Variants in GATB observed in about 807,000 individuals in gnomAD.
The protein encoded by GATB is glutamyl-tRNA amidotransferase subunit B.
Under a neutral mutation model 62.3 loss-of-function variants are expected in GATB, and 39 were observed. That is an observed-to-expected ratio of 0.63 (90% CI 0.48 to 0.82). GATB has a LOEUF of 0.82. GATB is among the 40% of genes least tolerant of loss of function. GATB has a pLI of 0.00. For missense variants in GATB, 670 were observed against 684.0 expected, an observed-to-expected ratio of 0.98 and a Z score of 0.23; for synonymous variants, 276 against 258.9, an observed-to-expected ratio of 1.07 and a Z score of -0.63.
rs1739764194 is a variant in GATB, at chr4:151,753,619, TCTC to T, written c.327+5150_327+5152del. Among the ~76,000 whole-genome samples the T allele has an allele frequency of 2.6e-5, 4 of 152,196 alleles. No individual in the cohort carries two copies. The South Asian group carries it at 8.3e-4, about 32-fold the overall frequency. On this transcript the variant is annotated intron_variant, in intron 2 of 12. Coordinates refer to ENST00000263985, the MANE Select transcript of GATB (RefSeq NM_004564.3). ...CAGTTGATCATATTAATCAAAAGCC[TCTC>T]CTGTCTTTACCCCTTCTTCATTGGC...
At chr4:151,685,586 T>C (rs1405575053) in intron 10 of GATB, among the ~76,000 whole-genome samples, 4 of 152,180 alleles carry the variant, frequency 2.6e-5, no homozygotes, top group African/African-American at 4.8e-5. Context: ...GGGCTCCAGG[T>C]AGGCACTGCC....
intron 2 of GATB, among the ~76,000 whole-genome samples, chr4:151,749,602 C>G (rs549855542): frequency 4.6e-5 from 7 of 150,908 alleles, no homozygotes; most frequent in African/African-American, 1.7e-4. Flanking sequence ...CAAACCTGCA[C>G]GTTGTGCACA....
intron 9 of GATB, among the ~76,000 whole-genome samples, chr4:151,696,800 G>T (rs1287388691): frequency 6.6e-6 from 1 of 152,230 alleles, no homozygotes; most frequent in Non-Finnish European, 1.5e-5. Flanking sequence ...ATGCCCCACA[G>T]AAATCAGCCA....
chr4:151,684,147 C>A lies in GATB; in HGVS notation c.1332-4256G>T, dbSNP rs114039208. ...GACACATCTTCCTCTCACCTCCAGTCCCTTCTTGGTTTCAAATCCTTCCCT... is the reference window on the plus strand; with the variant it reads ...GACACATCTTCCTCTCACCTCCAGTACCTTCTTGGTTTCAAATCCTTCCCT... On this transcript the variant is annotated intron_variant, in intron 10 of 12. Transcript: ENST00000263985. Among the ~76,000 whole-genome samples, 472 of 152,314 alleles carry A rather than the reference C, an allele frequency of 3.1e-3. 3 individuals are homozygous for A. The highest frequency in any genetic ancestry group is 0.011 in the African/African-American group (454 of 41,572).
intron 3 of GATB, 155 bp from the exon 4 acceptor site, chr4:151,717,229 A>G: frequency 1.5e-6 from 1 of 669,864 alleles, no homozygotes; most frequent in Non-Finnish European, 2.5e-6. Flanking sequence ...TAGTTGCTGC[A>G]TTGCAGCCAT....
intron 6 of GATB, 84 bp from the exon 7 acceptor site, chr4:151,705,353 ATCTC>A (rs921497088): frequency 1.2e-6 from 1 of 812,774 alleles, no homozygotes; most frequent in Non-Finnish European, 2.0e-6. Flanking sequence ...ACCTTTCTCA[ATCTC>A]TAAGTTAAAA....
intron 10 of GATB, among the ~76,000 whole-genome samples, chr4:151,682,410 T>TGGC (rs1371450734): frequency 6.6e-6 from 1 of 152,098 alleles, no homozygotes; most frequent in Non-Finnish European, 1.5e-5. Context: ...CGACACGCAA[T>TGGC]GGCAGCAGCA....
chr4:151,719,412 A>C lies in GATB; in HGVS notation c.441+13T>G, dbSNP rs1738982318. The C allele has an allele frequency of 6.3e-7, 1 of 1,585,116 alleles. No homozygotes were observed. Among genetic ancestry groups the C allele is most frequent in the Admixed American group, 1.7e-5 (1 of 59,704 alleles). On this transcript the variant is annotated intron_variant, in intron 3 of 12. Transcript: ENST00000263985. ...GAGAACTTGCAGTGGGGTGGATCACAAAGTGTACTTACAGGGAGGTCTGCA... is the reference window on the plus strand; with the variant it reads ...GAGAACTTGCAGTGGGGTGGATCACCAAGTGTACTTACAGGGAGGTCTGCA...
intron 3 of GATB, among the ~76,000 whole-genome samples, chr4:151,718,913 C>T (rs1417447793): frequency 1.3e-5 from 2 of 152,204 alleles, no homozygotes. Flanking sequence ...GTTTACTGTT[C>T]TTGGTCCAGA....
At chr4:151,705,823 A>G (rs1738704029) in intron 6 of GATB, among the ~76,000 whole-genome samples, 1 of 152,162 alleles carries the variant, frequency 6.6e-6, no homozygotes, top group African/African-American at 2.4e-5. Flanking sequence ...ACAATTGCTA[A>G]GCTGTTGCTG....
chr4:151,717,078 C>T lies in GATB; in HGVS notation c.442-4G>A, dbSNP rs746658970. ...GCTGGGTAATTTGGTAGCCTGCCTG[C>T]ACACAAACATAGGGTAAACATAGTC... On this transcript the variant is annotated splice_region_variant and splice_polypyrimidine_tract_variant and intron_variant, in intron 3 of 12. Coordinates refer to ENST00000263985, the MANE Select transcript of GATB (RefSeq NM_004564.3). The T allele has an allele frequency of 3.7e-6, 6 of 1,613,812 alleles. No homozygotes were observed. In the East Asian group the frequency reaches 1.1e-4, roughly 30 times the overall value.
chr4:151,695,776 G>A (rs1439379065), intron 9 of GATB, among the ~76,000 whole-genome samples: 1 of 151,974 alleles, frequency 6.6e-6, no homozygotes, highest in Non-Finnish European at 1.5e-5. Flanking sequence ...TTAAAGTTTA[G>A]AGACAGGGTC....
At chr4:151,677,919 CTA>C (rs1738042945) in intron 11 of GATB, 1 of 152,046 alleles carries the variant, frequency 6.6e-6, no homozygotes, top group African/African-American at 2.4e-5. Flanking sequence ...GTCTTTATTG[CTA>C]TCTTTCCTTC....
At chr4:151,695,423 T>C (rs1260106413) in intron 9 of GATB, among the ~76,000 whole-genome samples, 1 of 152,102 alleles carries the variant, frequency 6.6e-6, no homozygotes, top group Non-Finnish European at 1.5e-5. Context: ...GTCAGTGTTT[T>C]AACTCAATTC....
At chr4:151,698,822 G>A (rs1738540072) in intron 9 of GATB, among the ~76,000 whole-genome samples, 1 of 151,694 alleles carries the variant, frequency 6.6e-6, no homozygotes, top group East Asian at 1.9e-4. Flanking sequence ...ATAAAAATAA[G>A]GACGTTTTTA....
At chr4:151,706,653 T>G (rs140604549) in intron 6 of GATB, among the ~76,000 whole-genome samples, 82 of 122,822 alleles carry the variant, frequency 6.7e-4, no homozygotes, top group Non-Finnish European at 1.1e-3. Flanking sequence ...AATGCCTTTT[T>G]CCTGAAGACT....
intron 11 of GATB, among the ~76,000 whole-genome samples, chr4:151,676,774 G>C (rs758018466): frequency 4.6e-5 from 7 of 152,194 alleles, no homozygotes; most frequent in Admixed American, 3.9e-4. Context: ...GAAGAACAAG[G>C]CTGCTTTGTG....
chr4:151,755,116 T>A (rs1176999238), intron 2 of GATB, among the ~76,000 whole-genome samples: 11 of 152,234 alleles, frequency 7.2e-5, no homozygotes, highest in Admixed American at 7.2e-4. Flanking sequence ...ATAAGAGCAC[T>A]TACTACATGC....
At chr4:151,755,909 T>C (rs1239898080) in intron 2 of GATB, among the ~76,000 whole-genome samples, 1 of 152,238 alleles carries the variant, frequency 6.6e-6, no homozygotes, top group Non-Finnish European at 1.5e-5. Flanking sequence ...ATCATTCAGA[T>C]GGAAATATAT....
Sources: allele counts gnomAD v4.1 joint callset (sites outside exome capture counted in the v4.1 genomes callset), GRCh38; gene constraint gnomAD v4.1.1; transcripts MANE v1.5; gene names NCBI Gene and HGNC (gene_info 2026-07-23, HGNC 2026-07-21).